The following ALK variants were observed in gnomAD, a reference collection of about 807,000 sequenced individuals.
The protein encoded by ALK is ALK receptor tyrosine kinase, also known as ALK tyrosine kinase receptor.
A neutral mutation model predicts 163.1 loss-of-function variants in ALK; 74 were observed. The observed-to-expected ratio is 0.45, with a 90% CI of 0.38 to 0.55. ALK has a LOEUF of 0.55. Among genes scored for constraint, ALK ranks in the 20% least tolerant of loss-of-function variants. The probability of loss-of-function intolerance (pLI) is 0.00; values close to 1 mark genes in which losing one functional copy is unlikely to be tolerated. For missense variants in ALK, 2,063 were observed against 2,105.3 expected (o/e 0.98, Z 0.39); for synonymous variants, 960 against 843.2 (o/e 1.14, Z -2.40).
chr2:29,865,748 T>G (rs533303695), intron 1 of ALK, among the ~76,000 whole-genome samples: 6 of 152,358 alleles, frequency 3.9e-5, no homozygotes, highest in African/African-American at 1.4e-4. Flanking sequence ...ATAAGTTTAC[T>G]CAAATAGGTA....
At chr2:29,882,873 C>T (rs1666901265) in intron 1 of ALK, among the ~76,000 whole-genome samples, 1 of 152,180 alleles carries the variant, frequency 6.6e-6, no homozygotes, top group Non-Finnish European at 1.5e-5. Context: ...ATATTGTAAA[C>T]ATCAGATGTG....
intron 1 of ALK, among the ~76,000 whole-genome samples, chr2:29,717,922 C>G (rs992742716): frequency 3.3e-5 from 5 of 152,170 alleles, no homozygotes; most frequent in Admixed American, 6.5e-5. Context: ...ATGTTCTGAC[C>G]AAGGCCATGC....
intron 1 of ALK, among the ~76,000 whole-genome samples, chr2:29,834,634 T>C (rs1049432812): frequency 1.3e-5 from 2 of 152,150 alleles, no homozygotes; most frequent in African/African-American, 4.8e-5. Flanking sequence ...GGAAATACTT[T>C]GTCTAGAAAT....
intron 5 of ALK, among the ~76,000 whole-genome samples, chr2:29,338,741 A>T (rs527406152): frequency 1.3e-5 from 2 of 152,378 alleles, no homozygotes; most frequent in East Asian, 3.9e-4. Flanking sequence ...CCTGTCACAT[A>T]GCAAGTGCTA....
At chr2:29,347,682 A>T (rs1363615508) in intron 5 of ALK, among the ~76,000 whole-genome samples, 1 of 152,204 alleles carries the variant, frequency 6.6e-6, no homozygotes, top group African/African-American at 2.4e-5. Flanking sequence ...AAATGAAATG[A>T]TAGAGATGTA....
At chr2:29,433,386 G>C (rs1485383094) in intron 4 of ALK, among the ~76,000 whole-genome samples, 2 of 152,170 alleles carry the variant, frequency 1.3e-5, no homozygotes, top group East Asian at 3.8e-4. Context: ...AGTTTCTAGA[G>C]GGTTTTGAGG....
At chr2:29,200,273 T>G (rs1279819906) in intron 26 of ALK, among the ~76,000 whole-genome samples, 1 of 152,190 alleles carries the variant, frequency 6.6e-6, no homozygotes, top group African/African-American at 2.4e-5. Context: ...GAATTATAGC[T>G]ATATGTTTTC....
chr2:29,519,043 A>C (rs866102186), intron 4 of ALK, among the ~76,000 whole-genome samples: 5 of 152,388 alleles, frequency 3.3e-5, no homozygotes, highest in Admixed American at 1.3e-4. Context: ...AAGAGCCTAC[A>C]AGGTAAGCAG....
chr2:29,384,234 A>T (rs7425996), intron 4 of ALK, among the ~76,000 whole-genome samples: 24,527 of 152,162 alleles, frequency 0.16, 2,101 homozygotes, highest in Non-Finnish European at 0.18. Context: ...TCTTCAAAAC[A>T]TGTATCACTC....
At chr2:29,809,658 C>T (rs1292212663) in intron 1 of ALK, among the ~76,000 whole-genome samples, 1 of 152,156 alleles carries the variant, frequency 6.6e-6, no homozygotes, top group African/African-American at 2.4e-5. Flanking sequence ...TCCCCATGAT[C>T]CCTACTTCCC....
At chr2:29,515,805 A>C (rs956603243) in intron 4 of ALK, among the ~76,000 whole-genome samples, 2 of 152,238 alleles carry the variant, frequency 1.3e-5, no homozygotes, top group African/African-American at 4.8e-5. Flanking sequence ...CTAAATTCTT[A>C]TCACACTAGC....
rs150597441 is a variant in ALK at position 29,410,697 on chromosome 2, G to A, written c.1155-26838C>T. On this transcript the variant is annotated intron_variant, in intron 4 of 28. Coordinates refer to ENST00000389048, the MANE Select transcript of ALK (RefSeq NM_004304.5). ...CTAAACACATCTAAACATAGAAAAA[G>A]TATGGTAAAAATATAGCATAAAAGA... Among the ~76,000 whole-genome samples, 18 of 152,308 alleles carry A rather than the reference G, an allele frequency of 1.2e-4. No homozygotes were observed. In the East Asian group the frequency reaches 3.5e-3, roughly 29 times the overall value.
chr2:29,849,250 T>C (rs1001796349), intron 1 of ALK, among the ~76,000 whole-genome samples: 10 of 152,230 alleles, frequency 6.6e-5, no homozygotes, highest in African/African-American at 2.4e-4. Flanking sequence ...CACTTGGCAG[T>C]ATTCAAGTGT....
intron 3 of ALK, among the ~76,000 whole-genome samples, chr2:29,636,337 G>GAAAGAAAAGAAAAGAAAAGA (rs149544557): frequency 2.0e-5 from 3 of 147,720 alleles, no homozygotes; most frequent in African/African-American, 7.7e-5. Flanking sequence ...AATAAAGAAA[G>GAAAGAAAAGAAAAGAAAAGA]AAAGAAAAGA....
intron 1 of ALK, among the ~76,000 whole-genome samples, chr2:29,897,353 TAATA>T (rs1351201303): frequency 2.3e-4 from 35 of 151,748 alleles, no homozygotes; most frequent in Admixed American, 8.6e-4. Flanking sequence ...AAAAATTAAT[TAATA>T]AATAAATAAC....
At chr2:29,638,455 C>T (rs1207984427) in intron 3 of ALK, among the ~76,000 whole-genome samples, 1 of 145,134 alleles carries the variant, frequency 6.9e-6, no homozygotes, top group Non-Finnish European at 1.5e-5. Context: ...ACAGCCAGGA[C>T]AGCTTCGAGT....
At chr2:29,301,369 A>G (rs1027057952) in intron 8 of ALK, among the ~76,000 whole-genome samples, 14 of 152,084 alleles carry the variant, frequency 9.2e-5, no homozygotes, top group Non-Finnish European at 1.6e-4. Context: ...TTGGTCATGA[A>G]TTCCTTCAAG....
chr2:29,248,102 C>A (rs1173386797), intron 12 of ALK, among the ~76,000 whole-genome samples: 1 of 152,126 alleles, frequency 6.6e-6, no homozygotes, highest in South Asian at 2.1e-4. Flanking sequence ...AGACCTGAGT[C>A]TCTTCCAAGG....
intron 5 of ALK, among the ~76,000 whole-genome samples, chr2:29,333,733 C>G (rs1667525026): frequency 6.6e-6 from 1 of 152,200 alleles, no homozygotes; most frequent in Non-Finnish European, 1.5e-5. Flanking sequence ...TCTTCCACCT[C>G]AGCCTTTTAA....
Sources: allele counts gnomAD v4.1 joint callset (sites outside exome capture counted in the v4.1 genomes callset), GRCh38; gene constraint gnomAD v4.1.1; transcripts MANE v1.5; gene names NCBI Gene and HGNC (gene_info 2026-07-23, HGNC 2026-07-21).